Variants in KCNH5 observed in about 807,000 individuals in gnomAD.
KCNH5 encodes the protein potassium voltage-gated channel subfamily H member 5, also known as voltage-gated delayed rectifier potassium channel KCNH5.
A neutral mutation model predicts 96.1 loss-of-function variants in KCNH5; 46 were observed. That is an observed-to-expected ratio of 0.48 (90% CI 0.38 to 0.61). The LOEUF (loss-of-function observed/expected upper bound fraction) is 0.61. Ranked by LOEUF, KCNH5 falls within the 20% of genes least tolerant of loss-of-function variation. The pLI, the probability that KCNH5 is intolerant of heterozygous loss-of-function variation, is 0.00. For synonymous variants in KCNH5, 439 were observed against 449.8 expected (o/e 0.98, Z 0.30); for missense variants, 907 against 1,225.8 (o/e 0.74, Z 3.88).
At chr14:62,973,217 A>T (rs1384273591) in intron 6 of KCNH5, among the ~76,000 whole-genome samples, 1 of 152,230 alleles carries the variant, frequency 6.6e-6, no homozygotes, top group East Asian at 1.9e-4. Flanking sequence ...CACTCTTTAC[A>T]AAGTTAGATT....
At chr14:62,722,689 A>G (rs1566639339) in intron 10 of KCNH5, among the ~76,000 whole-genome samples, 1 of 152,244 alleles carries the variant, frequency 6.6e-6, no homozygotes, top group African/African-American at 2.4e-5. Flanking sequence ...TTCGGTATGT[A>G]TGTGAAAAAT....
In KCNH5 at chr14:62,898,321, T is replaced by G. The variant is rs117014380; in HGVS notation, c.1370-48469A>C. Among the ~76,000 whole-genome samples the G allele has an allele frequency of 5.5e-4, 84 of 152,288 alleles. 1 individual carries two copies. The East Asian group carries it at 0.015, about 28-fold the overall frequency. ...TGAATAGATTTTGTTTTAAAGCCTT[T>G]GCATTACACTGGAAGAAGGTAAAGA... On this transcript the variant is annotated intron_variant, in intron 7 of 10. Transcript: ENST00000322893.
chr14:62,903,429 AAC>A (rs1223502201), intron 7 of KCNH5, among the ~76,000 whole-genome samples: 1 of 152,258 alleles, frequency 6.6e-6, no homozygotes, highest in East Asian at 1.9e-4. Flanking sequence ...TGAAGCAAGG[AAC>A]ACATACTATT....
rs1406596986 is a variant in KCNH5, at chr14:62,954,672, G to A, written c.943-4113C>T. Among the ~76,000 whole-genome samples, 6 of 152,072 alleles carry A rather than the reference G, an allele frequency of 3.9e-5. No homozygotes were observed. The East Asian group carries it at 1.2e-3, about 29-fold the overall frequency. ...TTCTCCTTAATCTCTACACTGACTA[G>A]GTGTATTACTCCATTTTCATGCTGC... On this transcript the variant is annotated intron_variant, in intron 6 of 10. Coordinates refer to ENST00000322893, the MANE Select transcript of KCNH5 (RefSeq NM_139318.5).
intron 10 of KCNH5, among the ~76,000 whole-genome samples, chr14:62,722,354 A>C (rs997736238): frequency 2.0e-5 from 3 of 152,184 alleles, no homozygotes; most frequent in African/African-American, 7.2e-5. Flanking sequence ...CAAATGGATC[A>C]CTGTCTCAGT....
chr14:63,017,241 A>T (rs988681015), intron 1 of KCNH5, among the ~76,000 whole-genome samples: 1 of 152,044 alleles, frequency 6.6e-6, no homozygotes, highest in African/African-American at 2.4e-5. Context: ...ATCAAAGTGT[A>T]GTTAGTAATA....
intron 7 of KCNH5, among the ~76,000 whole-genome samples, chr14:62,920,696 TGA>T (rs768394612): frequency 6.6e-5 from 10 of 152,110 alleles, no homozygotes; most frequent in Non-Finnish European, 1.0e-4. Flanking sequence ...ATCTTGAAAA[TGA>T]GAGTCATAAA....
intron 7 of KCNH5, among the ~76,000 whole-genome samples, chr14:62,901,202 T>C (rs1324708173): frequency 1.3e-5 from 2 of 152,208 alleles, no homozygotes; most frequent in African/African-American, 4.8e-5. Flanking sequence ...TTAAAATGTT[T>C]TTTATTTATT....
chr14:62,933,877 G>A (rs1382820050), intron 7 of KCNH5, among the ~76,000 whole-genome samples: 1 of 152,164 alleles, frequency 6.6e-6, no homozygotes, highest in Non-Finnish European at 1.5e-5. Flanking sequence ...AAATATTTGA[G>A]ATTTCCTTCC....
intron 9 of KCNH5, among the ~76,000 whole-genome samples, chr14:62,800,807 G>T (rs1886644773): frequency 6.6e-6 from 1 of 151,950 alleles, no homozygotes; most frequent in Admixed American, 6.6e-5. Context: ...TTGCTCTGGT[G>T]AAATGTACAA....
chr14:62,903,680 T>TAA (rs146926221), intron 7 of KCNH5, among the ~76,000 whole-genome samples: 6 of 151,650 alleles, frequency 4.0e-5, no homozygotes, highest in African/African-American at 1.2e-4. Flanking sequence ...AAACAAACGT[T>TAA]AAAAAAAACC....
At chr14:62,986,975 T>C in intron 5 of KCNH5, 97 bp downstream of exon 5, 1 of 782,298 alleles carries the variant, frequency 1.3e-6, no homozygotes, top group East Asian at 2.5e-5. Context: ...TAAGTATTTA[T>C]AAGATCATAG....
chr14:62,714,899 A>G (rs1342199625), intron 10 of KCNH5, among the ~76,000 whole-genome samples: 1 of 152,198 alleles, frequency 6.6e-6, no homozygotes, highest in Non-Finnish European at 1.5e-5. Context: ...TTAAGGACAA[A>G]ATTTAAAAAC....
At chr14:62,747,589 G>A (rs1245831285) in intron 10 of KCNH5, among the ~76,000 whole-genome samples, 5 of 152,230 alleles carry the variant, frequency 3.3e-5, no homozygotes, top group Non-Finnish European at 1.5e-5. Flanking sequence ...AGAACCTGTA[G>A]TTAAAGTGCA....
intron 7 of KCNH5, among the ~76,000 whole-genome samples, chr14:62,866,283 T>C (rs962586918): frequency 6.6e-6 from 1 of 152,190 alleles, no homozygotes; most frequent in Non-Finnish European, 1.5e-5. Context: ...AAGTTTTGAC[T>C]TGATAAAATT....
intron 7 of KCNH5, among the ~76,000 whole-genome samples, chr14:62,861,679 A>G (rs988909546): frequency 7.7e-6 from 1 of 129,916 alleles, no homozygotes; most frequent in Non-Finnish European, 1.6e-5. Context: ...CACACACGGT[A>G]TAATTATGAT....
At chr14:62,885,420 T>C (rs920555691) in intron 7 of KCNH5, among the ~76,000 whole-genome samples, 2 of 152,226 alleles carry the variant, frequency 1.3e-5, no homozygotes, top group African/African-American at 4.8e-5. Flanking sequence ...CGAAGAATAA[T>C]AGTTGAAAAT....
chr14:62,749,324 C>T (rs1885446287), intron 10 of KCNH5, among the ~76,000 whole-genome samples: 1 of 152,208 alleles, frequency 6.6e-6, no homozygotes, highest in Non-Finnish European at 1.5e-5. Context: ...GTTCCATTGG[C>T]CTGTGGGACT....
intron 7 of KCNH5, among the ~76,000 whole-genome samples, chr14:62,916,743 G>T (rs1161175824): frequency 6.6e-6 from 1 of 152,152 alleles, no homozygotes; most frequent in African/African-American, 2.4e-5. Flanking sequence ...CCAACGGAGG[G>T]TCATGCCAAT....
Sources: allele counts gnomAD v4.1 joint callset (sites outside exome capture counted in the v4.1 genomes callset), GRCh38; gene constraint gnomAD v4.1.1; transcripts MANE v1.5; gene names NCBI Gene and HGNC (gene_info 2026-07-23, HGNC 2026-07-21).